Variants in NRXN1 observed in about 807,000 individuals in gnomAD.
NRXN1 encodes the protein neurexin-1.
NRXN1 carries 39 observed loss-of-function variants against 150.9 expected under a neutral mutation model. That is an observed-to-expected ratio of 0.26 (90% confidence interval 0.20 to 0.34). The LOEUF is 0.34. Among genes scored for constraint, NRXN1 ranks in the 10% least tolerant of loss-of-function variants. The pLI, the probability that NRXN1 is intolerant of heterozygous loss-of-function variation, is 1.00. For synonymous variants in NRXN1, 924 were observed against 757.0 expected, an observed-to-expected ratio of 1.22 and a Z score of -3.62; for missense variants, 1,815 against 1,949.9, an observed-to-expected ratio of 0.93 and a Z score of 1.30.
intron 5 of NRXN1, among the ~76,000 whole-genome samples, chr2:50,672,429 A>G (rs1396219464): frequency 6.6e-6 from 1 of 152,008 alleles, no homozygotes; most frequent in East Asian, 1.9e-4. Context: ...TTGGTCATAA[A>G]ATTTATGTGG....
intron 18 of NRXN1, among the ~76,000 whole-genome samples, chr2:50,107,804 C>G (rs941058093): frequency 6.6e-6 from 1 of 151,820 alleles, no homozygotes; most frequent in African/African-American, 2.4e-5. Flanking sequence ...TGACCATTTG[C>G]TATGTTCCCA....
chr2:50,790,699 T>C (rs1382752701), intron 5 of NRXN1, among the ~76,000 whole-genome samples: 1 of 152,170 alleles, frequency 6.6e-6, no homozygotes, highest in Non-Finnish European at 1.5e-5. Context: ...GTGTTTCAAA[T>C]TTTTGGTTTT....
intron 5 of NRXN1, among the ~76,000 whole-genome samples, chr2:50,911,257 G>C (rs1684475715): frequency 6.6e-6 from 1 of 151,858 alleles, no homozygotes; most frequent in African/African-American, 2.4e-5. Context: ...GTAACACCTT[G>C]CTCTTGCAGT....
chr2:49,975,199 A>G (rs560251952), intron 21 of NRXN1, among the ~76,000 whole-genome samples: 1 of 151,892 alleles, frequency 6.6e-6, no homozygotes, highest in African/African-American at 2.4e-5. Context: ...TGACAGTATC[A>G]CGGAGATTTT....
intron 18 of NRXN1, among the ~76,000 whole-genome samples, chr2:50,104,150 A>G (rs1701335383): frequency 6.6e-6 from 1 of 152,048 alleles, no homozygotes; most frequent in African/African-American, 2.4e-5. Context: ...GTGGTCATCT[A>G]CTGGAGTACA....
At chr2:50,906,525 A>G (rs1424877899) in intron 5 of NRXN1, among the ~76,000 whole-genome samples, 2 of 152,096 alleles carry the variant, frequency 1.3e-5, no homozygotes, top group East Asian at 3.9e-4. Context: ...TCTTGACTAA[A>G]TAATTGTTGC....
chr2:50,519,515 T>C (rs932357209), intron 12 of NRXN1, among the ~76,000 whole-genome samples: 1 of 152,016 alleles, frequency 6.6e-6, no homozygotes, highest in Non-Finnish European at 1.5e-5. Context: ...AATTAAATCT[T>C]AGGCCAAATT....
At chr2:50,646,160 A>G (rs1008961534) in intron 5 of NRXN1, among the ~76,000 whole-genome samples, 9 of 151,906 alleles carry the variant, frequency 5.9e-5, no homozygotes, top group Non-Finnish European at 5.9e-5. Flanking sequence ...GTAATATACT[A>G]TTAGGTTGGT....
Position 50,925,930 on chromosome 2 carries a change from G to A in NRXN1, c.790+8C>T, listed in dbSNP as rs1686801186. ...GAGAGTTGGAAAAATAAGGTAGAAA[G>A]CACCCACCTTCCACATTGTTGTCTT... On this transcript the variant is annotated splice_region_variant and intron_variant, in intron 3 of 22. Transcript: ENST00000401669. 1 of 1,570,670 alleles carries A rather than the reference G, an allele frequency of 6.4e-7. No individual in the cohort carries two copies. The highest frequency in any genetic ancestry group is 8.7e-7 in the Non-Finnish European group (1 of 1,155,870).
intron 17 of NRXN1, among the ~76,000 whole-genome samples, chr2:50,458,198 A>G (rs897337856): frequency 6.6e-6 from 1 of 152,150 alleles, no homozygotes; most frequent in African/African-American, 2.4e-5. Context: ...CAAATATCGC[A>G]TGTTCTCACT....
chr2:50,399,160 A>AT (rs34257124), intron 17 of NRXN1, among the ~76,000 whole-genome samples: 233 of 152,096 alleles, frequency 1.5e-3, no homozygotes, highest in African/African-American at 5.5e-3. Context: ...GGCTTTAGTA[A>AT]TTTTTTAAGA....
chr2:49,986,541 T>TA (rs1680942479), intron 21 of NRXN1, among the ~76,000 whole-genome samples: 1 of 152,192 alleles, frequency 6.6e-6, no homozygotes, highest in Non-Finnish European at 1.5e-5. Context: ...ATGTAGTCTT[T>TA]AAAAAATTCC....
chr2:50,615,071 C>T (rs1342507341), intron 8 of NRXN1, among the ~76,000 whole-genome samples: 4 of 152,116 alleles, frequency 2.6e-5, no homozygotes, highest in Admixed American at 2.0e-4. Flanking sequence ...TTTTCCAAAC[C>T]TCATCTACCT....
intron 2 of NRXN1, among the ~76,000 whole-genome samples, chr2:51,003,944 G>T (rs1012473298): frequency 1.3e-5 from 2 of 151,678 alleles, no homozygotes; most frequent in African/African-American, 4.8e-5. Flanking sequence ...TCTTTTCATA[G>T]ACCTGCAGAA....
chr2:49,931,611 A>G (rs1489885117), intron 22 of NRXN1, among the ~76,000 whole-genome samples: 6 of 151,912 alleles, frequency 3.9e-5, no homozygotes, highest in African/African-American at 1.2e-4. Context: ...ACTCAGGCCC[A>G]ACTTTCCATA....
intron 8 of NRXN1, among the ~76,000 whole-genome samples, chr2:50,565,312 A>C (rs1669678791): frequency 6.6e-6 from 1 of 152,150 alleles, no homozygotes; most frequent in Non-Finnish European, 1.5e-5. Flanking sequence ...AGTCTCATGT[A>C]ATTTCGCACG....
At chr2:50,929,572 C>A (rs910285594) in intron 2 of NRXN1, among the ~76,000 whole-genome samples, 1 of 152,036 alleles carries the variant, frequency 6.6e-6, no homozygotes, top group Admixed American at 6.6e-5. Context: ...GCCACTACTG[C>A]GAGTAGCTTC....
At chr2:50,800,802 A>C (rs1215294390) in intron 5 of NRXN1, among the ~76,000 whole-genome samples, 2 of 152,142 alleles carry the variant, frequency 1.3e-5, no homozygotes, top group African/African-American at 4.8e-5. Context: ...CATCCGCCCC[A>C]GCCTCACAAA....
chr2:50,207,987 T>C (rs2062738022), intron 18 of NRXN1, among the ~76,000 whole-genome samples: 1 of 151,986 alleles, frequency 6.6e-6, no homozygotes, highest in Non-Finnish European at 1.5e-5. Flanking sequence ...AGCCCTTGGG[T>C]GAAGAAGAGG....
Sources: gnomAD v4.1 joint callset for allele counts (sites outside exome capture counted in the v4.1 genomes callset) on GRCh38, gnomAD v4.1.1 for gene constraint, MANE v1.5 for transcripts, NCBI Gene and HGNC (gene_info 2026-07-23, HGNC 2026-07-21) for gene names.